The following LIN9 variants were observed in gnomAD, a reference collection of about 807,000 sequenced individuals.
LIN9 encodes the protein protein lin-9 homolog.
In LIN9, 18 loss-of-function variants were observed where a neutral mutation model predicts 78.0. The ratio of observed to expected loss-of-function variants is 0.23; its 90% CI spans 0.16 to 0.34. The LOEUF (loss-of-function observed/expected upper bound fraction) is 0.34, where lower values mean the gene tolerates loss of function less well. Ranked by LOEUF, LIN9 falls within the 10% of genes least tolerant of loss-of-function variation. LIN9 has a pLI of 1.00. For synonymous variants in LIN9, 192 were observed against 215.2 expected (o/e 0.89, Z 0.94); for missense variants, 451 against 644.1 (o/e 0.70, Z 3.25).
At chr1:226,301,045 A>G (rs1461149241) in intron 2 of LIN9, 128 bp downstream of exon 2, 2 of 507,528 alleles carry the variant, frequency 3.9e-6, no homozygotes, top group East Asian at 6.1e-5. Context: ...TAAGGTTATC[A>G]GTGAAAACCA....
At chr1:226,239,183 T>TA (rs1657937729) in intron 11 of LIN9, 87 bp from the exon 12 acceptor site, 1 of 1,378,192 alleles carries the variant, frequency 7.3e-7, no homozygotes, top group African/African-American at 1.5e-5. Flanking sequence ...TTGACTTATC[T>TA]AAAAAGCAAA....
At chr1:226,304,495 A>T (rs1458078115) in intron 1 of LIN9, among the ~76,000 whole-genome samples, 4 of 152,316 alleles carry the variant, frequency 2.6e-5, no homozygotes, top group South Asian at 2.1e-4. Flanking sequence ...TATATATATA[A>T]AACACGTACA....
At chr1:226,267,230 GAT>G (rs4012808) in intron 8 of LIN9, among the ~76,000 whole-genome samples, 7,926 of 137,590 alleles carry the variant, frequency 0.058, 665 homozygotes, top group African/African-American at 0.19. Flanking sequence ...GCACTAAGGA[GAT>G]ATATATATAT....
chr1:226,274,083 T>C (rs1660480620), intron 7 of LIN9, among the ~76,000 whole-genome samples: 2 of 152,196 alleles, frequency 1.3e-5, no homozygotes, highest in African/African-American at 4.8e-5. Flanking sequence ...TCCACTTGCC[T>C]TGGCCTCCCA....
chr1:226,239,201 T>A, intron 11 of LIN9, 105 bp from the exon 12 acceptor site: 1 of 1,132,596 alleles, frequency 8.8e-7, no homozygotes. Context: ...AAACTAAAGG[T>A]TATTAAATTT....
chr1:226,297,048 C>G (rs1029720293), intron 3 of LIN9, among the ~76,000 whole-genome samples: 8 of 152,026 alleles, frequency 5.3e-5, no homozygotes, highest in Non-Finnish European at 7.4e-5. Context: ...TACTCTATAG[C>G]CCTGACAGGA....
chr1:226,238,855 G>A (rs1657913913), intron 12 of LIN9, 116 bp downstream of exon 12: 1 of 979,594 alleles, frequency 1.0e-6, no homozygotes, highest in Non-Finnish European at 1.5e-6. Flanking sequence ...ATATAATACA[G>A]TTCTGCTAAA....
intron 3 of LIN9, 32 bp from the exon 4 acceptor site, chr1:226,295,978 A>G (rs1662121808): frequency 2.1e-6 from 3 of 1,439,126 alleles, no homozygotes; most frequent in Non-Finnish European, 2.9e-6. Context: ...TTAATGAAAA[A>G]GCCGAACCCT....
intron 10 of LIN9, among the ~76,000 whole-genome samples, chr1:226,261,658 A>G (rs1447152278): frequency 6.6e-6 from 1 of 152,242 alleles, no homozygotes; most frequent in Non-Finnish European, 1.5e-5. Flanking sequence ...ATGTTCATGG[A>G]TAAGAAGACA....
At chr1:226,253,451 G>A (rs1031891762) in intron 10 of LIN9, among the ~76,000 whole-genome samples, 12 of 151,126 alleles carry the variant, frequency 7.9e-5, no homozygotes, top group African/African-American at 2.9e-4. Context: ...GCACCACCAC[G>A]CCTGGATAAT....
At chr1:226,278,522 T>C (rs1467872052) in intron 6 of LIN9, among the ~76,000 whole-genome samples, 2 of 150,976 alleles carry the variant, frequency 1.3e-5, no homozygotes, top group African/African-American at 4.9e-5. Context: ...TATTCAAAAA[T>C]AGGTTCTTAG....
chr1:226,287,860 C>G, intron 4 of LIN9, 63 bp from the exon 5 acceptor site: 1 of 1,240,310 alleles, frequency 8.1e-7, no homozygotes, highest in Admixed American at 2.7e-5. Context: ...CATTTATAAC[C>G]CTGAATAAAT....
intron 2 of LIN9, among the ~76,000 whole-genome samples, chr1:226,299,926 C>CT (rs568117487): frequency 0.013 from 1,725 of 136,778 alleles, 43 homozygotes; most frequent in South Asian, 0.081. Context: ...AAGCAAGATT[C>CT]TTTTTTTTTT....
intron 4 of LIN9, among the ~76,000 whole-genome samples, chr1:226,289,844 G>GTT (rs1266893185): frequency 1.6e-5 from 1 of 60,672 alleles, no homozygotes; most frequent in Non-Finnish European, 3.5e-5. Flanking sequence ...CGGGGGGGGG[G>GTT]GTGGGGGGGG....
intron 2 of LIN9, among the ~76,000 whole-genome samples, chr1:226,299,204 T>C (rs1662357720): frequency 6.6e-6 from 1 of 152,054 alleles, no homozygotes; most frequent in Non-Finnish European, 1.5e-5. Flanking sequence ...ATATAAATGA[T>C]TTATCAAGAT....
At chr1:226,251,258 T>C (rs1658819591) in intron 10 of LIN9, among the ~76,000 whole-genome samples, 1 of 150,988 alleles carries the variant, frequency 6.6e-6, no homozygotes, top group African/African-American at 2.4e-5. Context: ...GACGGAGTCT[T>C]GCTCTGCTGC....
At chr1:226,239,940 G>C (rs1396532359) in intron 11 of LIN9, among the ~76,000 whole-genome samples, 1 of 152,200 alleles carries the variant, frequency 6.6e-6, no homozygotes, top group Non-Finnish European at 1.5e-5. Flanking sequence ...TTCTGAGAAA[G>C]CACGTTGTTA....
chr1:226,300,982 A>T (rs559956184), intron 2 of LIN9, among the ~76,000 whole-genome samples, 191 bp downstream of exon 2: 112 of 152,340 alleles, frequency 7.4e-4, no homozygotes, highest in Non-Finnish European at 1.1e-3. Flanking sequence ...AGAAATTTTT[A>T]AAAATAATTT....
chr1:226,309,292 C>T, upstream of LIN9: 1 of 1,070,804 alleles, frequency 9.3e-7, no homozygotes. Flanking sequence ...GCGGGCCCGG[C>T]TCCGCCCGCG....
Sources: gnomAD v4.1 joint callset for allele counts (sites outside exome capture counted in the v4.1 genomes callset) on GRCh38, gnomAD v4.1.1 for gene constraint, MANE v1.5 for transcripts, NCBI Gene and HGNC (gene_info 2026-07-23, HGNC 2026-07-21) for gene names.